Variants in KLF17 observed in about 807,000 individuals in gnomAD.
KLF17 encodes KLF transcription factor 17.
A neutral mutation model predicts 34.2 loss-of-function variants in KLF17; 31 were observed. The observed-to-expected ratio is 0.91, with a 90% confidence interval of 0.68 to 1.22. The LOEUF is 1.22. Ranked by LOEUF, KLF17 falls within the 50% of genes most tolerant of loss-of-function variation. The pLI, the probability that KLF17 is intolerant of heterozygous loss-of-function variation, is 0.00. For synonymous variants in KLF17, 179 were observed against 186.7 expected, an observed-to-expected ratio of 0.96 and a Z score of 0.34; for missense variants, 478 against 505.2, an observed-to-expected ratio of 0.95 and a Z score of 0.52.
At chr1:44,130,793 CT>C in intron 3 of KLF17, 37 bp downstream of exon 3, 2 of 1,601,694 alleles carry the variant, frequency 1.2e-6, no homozygotes, top group Non-Finnish European at 1.7e-6. Flanking sequence ...TTTCTTTTTC[CT>C]TTTTTCCTTT....
At chr1:44,089,012 T>C in the KLF17 span, among the ~76,000 whole-genome samples, 4 of 152,040 alleles carry the variant, frequency 2.6e-5, no homozygotes, top group Non-Finnish European at 5.9e-5. Flanking sequence ...AGAAGGAATA[T>C]CTCTACTGAA....
chr1:44,080,236 CTTT>C, the KLF17 span, among the ~76,000 whole-genome samples: 1 of 94,128 alleles, frequency 1.1e-5, no homozygotes, highest in Non-Finnish European at 2.0e-5. Context: ...CCCTCTGTGT[CTTT>C]TTTTTTTTTT....
the KLF17 span, among the ~76,000 whole-genome samples, chr1:44,070,228 G>A: frequency 9.9e-5 from 15 of 152,252 alleles, no homozygotes; most frequent in African/African-American, 3.4e-4. Context: ...TGGGGCACAA[G>A]TGTAATTTTG....
chr1:44,104,543 A>G, the KLF17 span: 1 of 690,886 alleles, frequency 1.4e-6, no homozygotes, highest in East Asian at 2.7e-5. Flanking sequence ...CCACCTCCTA[A>G]GGGGGCTCAG....
At chr1:44,077,162 T>C in the KLF17 span, among the ~76,000 whole-genome samples, 1 of 151,826 alleles carries the variant, frequency 6.6e-6, no homozygotes, top group African/African-American at 2.4e-5. Flanking sequence ...CTGGCCAACA[T>C]GGTGAAACCC....
chr1:44,118,829 G>A lies in KLF17; in HGVS notation c.-79G>A, dbSNP rs1019565016. On this transcript the variant is annotated 5_prime_UTR_variant, in exon 1 of 4. An upstream start codon of the reference 5' UTR is lost. Transcript: ENST00000372299. ...TAGAAGGTGATTGTGGCGTGGCGAT[G>A]TACCGATACCCGCCTGCGACGCCGT... 5 of 1,093,686 alleles carry A rather than the reference G, an allele frequency of 4.6e-6. No homozygotes were observed. In the South Asian group the frequency reaches 5.1e-5, roughly 11 times the overall value. 67.7% of individuals were successfully genotyped at this position (1,093,686 alleles called of 1,614,324 possible).
chr1:44,122,465 G>T lies in KLF17; in HGVS notation c.81+3477G>T. The T allele has an allele frequency of 4.2e-6, 5 of 1,200,046 alleles. No homozygotes were observed. The South Asian group carries it at 6.1e-5, about 15-fold the overall frequency. 74.3% of individuals were successfully genotyped at this position (1,200,046 alleles called of 1,614,324 possible). A position where few individuals can be genotyped will look rare whatever the true frequency, so the allele number is the denominator to read the frequency against. Reference sequence around the variant, plus strand: ...CCTGTGTTCTGTTCTTCAATGCAATGGTTACAGTTTCATGACTCAATTTCA... The same window carrying T: ...CCTGTGTTCTGTTCTTCAATGCAATTGTTACAGTTTCATGACTCAATTTCA... On this transcript the variant is annotated intron_variant, in intron 1 of 3. Coordinates refer to ENST00000372299, the MANE Select transcript of KLF17 (RefSeq NM_173484.4).
upstream of KLF17, among the ~76,000 whole-genome samples, chr1:44,117,766 G>A (rs185300530): frequency 1.3e-4 from 20 of 152,172 alleles, no homozygotes; most frequent in Admixed American, 2.6e-4. Flanking sequence ...AAGTGCTGGC[G>A]TTGCAGGCGT....
At chr1:44,120,477 A>C (rs2087933676) in intron 1 of KLF17, among the ~76,000 whole-genome samples, 1 of 152,220 alleles carries the variant, frequency 6.6e-6, no homozygotes, top group Admixed American at 6.5e-5. Flanking sequence ...AAGCATTCTA[A>C]GAAGGGTGTG....
At chr1:44,049,129 C>A in the KLF17 span, among the ~76,000 whole-genome samples, 73 of 152,144 alleles carry the variant, frequency 4.8e-4, no homozygotes, top group African/African-American at 1.7e-3. Flanking sequence ...TAGATGACTG[C>A]CTTCTCACTG....
At chr1:44,105,092 T>C in the KLF17 span, 3 of 152,026 alleles carry the variant, frequency 2.0e-5, no homozygotes, top group Non-Finnish European at 4.4e-5. Flanking sequence ...TCTGTCCCTA[T>C]AGAAAAAGAA....
At chr1:44,046,216 C>CTTTTTT in the KLF17 span, 2 of 138,022 alleles carry the variant, frequency 1.4e-5, no homozygotes, top group Non-Finnish European at 3.1e-5. Context: ...GTTCTAAGCA[C>CTTTTTT]TTTTTTTTTT....
chr1:44,059,638 C>A, the KLF17 span, among the ~76,000 whole-genome samples: 2 of 152,146 alleles, frequency 1.3e-5, no homozygotes, highest in Non-Finnish European at 2.9e-5. Context: ...GATTCCCCTC[C>A]GATTCCATCT....
At chr1:44,115,462 A>AAC (rs2087871073), upstream of KLF17, 1 of 151,206 alleles carries the variant, frequency 6.6e-6, no homozygotes, top group African/African-American at 2.4e-5. Flanking sequence ...AAAAAAAAAA[A>AAC]AAAAAAAAAA....
rs746209131 is a variant in KLF17, at chr1:44,130,083, G to T, written c.812G>T (p.Gly271Val). Residue 271 changes from glycine (G) to valine (V), a missense_variant, in exon 2 of 4, where the codon GGG (glycine) becomes GTG (valine). Gly to Val is a moderately radical substitution (Grantham distance 109). Transcript: ENST00000372299. ...TVEKNSRPQE[G>V]TGRRGSSEAR... is the part of the protein sequence containing the mutation. ...GAGAAGAACTCCAGGCCTCAGGAAG[G>T]GACTGGTAGAAGGGGCTCCTCAGAG... The T allele has an allele frequency of 1.2e-6, 2 of 1,614,210 alleles. No individual in the cohort carries two copies. The highest frequency in any genetic ancestry group is 1.7e-6 in the Non-Finnish European group (2 of 1,180,044).
chr1:44,055,937 A>G, the KLF17 span, among the ~76,000 whole-genome samples: 3 of 152,214 alleles, frequency 2.0e-5, no homozygotes, highest in Non-Finnish European at 2.9e-5. Context: ...ATAGTTCGCA[A>G]TCCTTACGAA....
chr1:44,079,405 T>A, the KLF17 span, among the ~76,000 whole-genome samples: 2 of 151,370 alleles, frequency 1.3e-5, no homozygotes, highest in Non-Finnish European at 2.9e-5. Context: ...AAAGCAATTC[T>A]CCCACCTCAG....
At position 44,119,000 on chromosome 1, in the gene KLF17, G is replaced by T; in HGVS notation, c.81+12G>T. ...ACCAGGCTGCCCAGGTGAGTCAGGT[G>T]CCAGCCCCTGGCAGGCCGGGCGGGC... is the stretch of plus-strand genomic sequence containing the variant. On this transcript the variant is annotated intron_variant, in intron 1 of 3. Transcript: ENST00000372299. 1.9e-6 allele frequency: 3 copies of T among 1,595,248 alleles called. No individual in the cohort carries two copies. The highest frequency in any genetic ancestry group is 2.6e-6 in the Non-Finnish European group (3 of 1,171,386).
chr1:44,118,857 TG>T lies in KLF17; in HGVS notation c.-49del, dbSNP rs2087911033. 1 of 1,442,566 alleles carries T rather than the reference TG, an allele frequency of 6.9e-7. No homozygotes were observed. The allele number at this position is 1,442,566 out of a possible 1,614,324, so 89.4% of individuals were successfully genotyped here. A position where few individuals can be genotyped will look rare whatever the true frequency, so the allele number is the denominator to read the frequency against. ...CCGATACCCGCCTGCGACGCCGTGG[TG>T]GCTGGTTCCCTGTCTCTTCAGTAGA... is the stretch of plus-strand genomic sequence containing the variant. On this transcript the variant is annotated 5_prime_UTR_variant, in exon 1 of 4. Coordinates refer to ENST00000372299, the MANE Select transcript of KLF17 (RefSeq NM_173484.4).
Sources: allele counts gnomAD v4.1 joint callset (sites outside exome capture counted in the v4.1 genomes callset), GRCh38; gene constraint gnomAD v4.1.1; transcripts MANE v1.5; gene names NCBI Gene and HGNC (gene_info 2026-07-23, HGNC 2026-07-21).